The following RFX3 variants were observed in gnomAD, a reference collection of about 807,000 sequenced individuals.
The protein encoded by RFX3 is regulatory factor X3.
Under a neutral mutation model 98.6 loss-of-function variants are expected in RFX3, and 14 were observed. That is an observed-to-expected ratio of 0.14 (90% confidence interval 0.09 to 0.22). The LOEUF (loss-of-function observed/expected upper bound fraction) is 0.22. Ranked by LOEUF, RFX3 falls within the 10% of genes least tolerant of loss-of-function variation. The probability of loss-of-function intolerance (pLI) is 1.00; values close to 1 mark genes in which losing one functional copy is unlikely to be tolerated. For synonymous variants in RFX3, 383 were observed against 328.4 expected (o/e 1.17, Z -1.80); for missense variants, 639 against 926.9 (o/e 0.69, Z 4.03).
At position 3,340,066 on chromosome 9, in the gene RFX3, C is replaced by T. The variant is rs1329122634; in HGVS notation, c.215+6601G>A. 6.6e-5 allele frequency among the ~76,000 whole-genome samples: 10 copies of T among 152,178 alleles called. No homozygotes were observed. In the East Asian group the frequency reaches 9.7e-4, roughly 15 times the overall value. Reference sequence around the variant, plus strand: ...GCACCAAAACAAAGATATAGACCAACGGAACAGAACAGAGCCCTCAGAAAT... The same window carrying T: ...GCACCAAAACAAAGATATAGACCAATGGAACAGAACAGAGCCCTCAGAAAT... On this transcript the variant is annotated intron_variant, in intron 3 of 16. Coordinates refer to ENST00000617270, the MANE Select transcript of RFX3 (RefSeq NM_001282116.2).
chr9:3,425,368 G>C (rs923810430), intron 1 of RFX3, among the ~76,000 whole-genome samples: 1 of 152,166 alleles, frequency 6.6e-6, no homozygotes, highest in South Asian at 2.1e-4. Flanking sequence ...ATATCTGTAT[G>C]GTCATGTATT....
chr9:3,513,766 A>C lies in RFX3; in HGVS notation c.-9+11981T>G, dbSNP rs78772506. The stretch of plus-strand genomic sequence containing the variant: ...TTTCTATCAACCCCCAAAAATGCTC[A>C]AGCAAACCTAACCCAATCAAAATAT... On this transcript the variant is annotated intron_variant, in intron 1 of 16. Coordinates refer to ENST00000617270, the MANE Select transcript of RFX3 (RefSeq NM_001282116.2). Among the ~76,000 whole-genome samples the C allele has an allele frequency of 1.8e-3, 281 of 152,048 alleles. 4 individuals carry two copies. The East Asian group carries it at 0.046, about 25-fold the overall frequency.
intron 4 of RFX3, among the ~76,000 whole-genome samples, chr9:3,317,059 C>A (rs1467575545): frequency 4.6e-5 from 7 of 152,000 alleles, no homozygotes; most frequent in Admixed American, 2.0e-4. Flanking sequence ...CCGCATTGCC[C>A]AGACAATCCT....
intron 1 of RFX3, among the ~76,000 whole-genome samples, chr9:3,516,826 C>A (rs183429889): frequency 2.0e-5 from 3 of 152,092 alleles, no homozygotes. Context: ...ACAGGAGGAG[C>A]CCCAAATGTC....
chr9:3,384,007 A>C (rs1839455806), intron 2 of RFX3, among the ~76,000 whole-genome samples: 1 of 152,152 alleles, frequency 6.6e-6, no homozygotes, highest in African/African-American at 2.4e-5. Flanking sequence ...GTTCAGTTTG[A>C]TACAGAGCTT....
At chr9:3,238,432 C>G (rs1261514911) in intron 15 of RFX3, among the ~76,000 whole-genome samples, 2 of 152,172 alleles carry the variant, frequency 1.3e-5, no homozygotes, top group Non-Finnish European at 2.9e-5. Context: ...CATGTGTTTG[C>G]TGGAATGGGG....
chr9:3,489,126 C>G (rs1329923100), intron 1 of RFX3, among the ~76,000 whole-genome samples: 1 of 151,798 alleles, frequency 6.6e-6, no homozygotes, highest in Admixed American at 6.6e-5. Flanking sequence ...TTAAATAATA[C>G]CAATTTTAAT....
chr9:3,497,157 G>A (rs1348195523), intron 1 of RFX3, among the ~76,000 whole-genome samples: 1 of 151,950 alleles, frequency 6.6e-6, no homozygotes, highest in African/African-American at 2.4e-5. Context: ...ACAAAGTCTT[G>A]AAATGTTACA....
intron 2 of RFX3, among the ~76,000 whole-genome samples, chr9:3,355,205 C>A (rs112930391): frequency 1.3e-5 from 2 of 151,690 alleles, no homozygotes; most frequent in Admixed American, 6.6e-5. Flanking sequence ...TAACAAGACA[C>A]TAGAATTAAA....
chr9:3,225,045 G>C lies in RFX3; in HGVS notation c.2247C>G (p.Val749=), dbSNP rs1817608472. 3 of 1,613,306 alleles carry C rather than the reference G, an allele frequency of 1.9e-6. No individual in the cohort carries two copies. In the African/African-American group the frequency reaches 4.0e-5, roughly 22 times the overall value. ...GAAAAATACGCTTTAATATTCTTTA[G>C]ACTGCAGTGTAGGTATTTCCTGTAG... ...CSATGNTYTA[V] Residue 749 remains valine, a synonymous_variant, in exon 17 of 17, where the codon GTC becomes GTG. Coordinates refer to ENST00000617270, the MANE Select transcript of RFX3 (RefSeq NM_001282116.2).
chr9:3,415,345 G>A (rs544327907), intron 1 of RFX3, among the ~76,000 whole-genome samples: 1 of 151,426 alleles, frequency 6.6e-6, no homozygotes, highest in East Asian at 1.9e-4. Context: ...CTCCCAAAGT[G>A]CAGAGATTAG....
chr9:3,336,811 C>G (rs73381864), intron 3 of RFX3, among the ~76,000 whole-genome samples: 3 of 152,034 alleles, frequency 2.0e-5, no homozygotes, highest in Non-Finnish European at 4.4e-5. Flanking sequence ...AAAAAAGAGA[C>G]TAGACTAGAC....
At chr9:3,448,023 T>C (rs779576739) in intron 1 of RFX3, among the ~76,000 whole-genome samples, 2 of 152,126 alleles carry the variant, frequency 1.3e-5, no homozygotes, top group Non-Finnish European at 2.9e-5. Flanking sequence ...AAGGGAAAAA[T>C]GGCCAGCCTA....
At chr9:3,520,176 A>G (rs914213668) in intron 1 of RFX3, among the ~76,000 whole-genome samples, 3 of 152,208 alleles carry the variant, frequency 2.0e-5, no homozygotes, top group Non-Finnish European at 4.4e-5. Flanking sequence ...TTAAAGAAAA[A>G]TGCCTAACCT....
intron 4 of RFX3, among the ~76,000 whole-genome samples, chr9:3,317,148 A>G (rs1830711435): frequency 6.6e-6 from 1 of 152,246 alleles, no homozygotes. Flanking sequence ...CCAAAACAGC[A>G]TGGTACTGGA....
intron 2 of RFX3, among the ~76,000 whole-genome samples, chr9:3,366,719 T>TTTCC (rs1491584403): frequency 1.4e-5 from 2 of 144,570 alleles, no homozygotes; most frequent in African/African-American, 5.1e-5. Flanking sequence ...TCTTTCTTTC[T>TTTCC]TTCTTTCTTT....
At position 3,431,757 on chromosome 9, in the gene RFX3, CAA is replaced by C. The variant is rs1312800796; in HGVS notation, c.-8-36163_-8-36162del. Reference sequence around the variant, plus strand: ...GAGGCTTGACTTAAAAATGTCAAGACAAGAGAAGCAGTTTCTGCCAACCAAGT... The same window carrying C: ...GAGGCTTGACTTAAAAATGTCAAGACGAGAAGCAGTTTCTGCCAACCAAGT... On this transcript the variant is annotated intron_variant, in intron 1 of 16. Transcript: ENST00000617270. Among the ~76,000 whole-genome samples the C allele has an allele frequency of 2.6e-5, 4 of 152,220 alleles. No homozygotes were observed. In the East Asian group the frequency reaches 7.7e-4, roughly 29 times the overall value.
chr9:3,391,364 T>G (rs7850206), intron 2 of RFX3, among the ~76,000 whole-genome samples: 7,510 of 152,162 alleles, frequency 0.049, 485 homozygotes, highest in African/African-American at 0.15. Flanking sequence ...AAGAAAAACA[T>G]GCTTCTAAAT....
In RFX3 at chr9:3,368,172, T is replaced by G. The variant is rs184228763; in HGVS notation, c.118-21408A>C. Among the ~76,000 whole-genome samples, 34 of 152,248 alleles carry G rather than the reference T, an allele frequency of 2.2e-4. 1 individual carries two copies. Among genetic ancestry groups the G allele is most frequent in the Admixed American group, 1.8e-3 (28 of 15,286 alleles). On this transcript the variant is annotated intron_variant, in intron 2 of 16. Transcript: ENST00000617270. ...ATTACCTTTCTAAAACTTATCATAC[T>G]CTAAGAAATATTACTCTGAAAGCAG... is the stretch of plus-strand genomic sequence containing the variant.
Sources: allele counts gnomAD v4.1 joint callset (sites outside exome capture counted in the v4.1 genomes callset), GRCh38; gene constraint gnomAD v4.1.1; transcripts MANE v1.5; gene names NCBI Gene and HGNC (gene_info 2026-07-23, HGNC 2026-07-21).